SASH1: variants seen among roughly 807,000 people sequenced by gnomAD.
SASH1 encodes the protein SAM and SH3 domain containing 1, also known as SAM and SH3 domain-containing protein 1.
In SASH1, 44 loss-of-function variants were observed where a neutral mutation model predicts 125.2. The ratio of observed to expected loss-of-function variants is 0.35; its 90% confidence interval spans 0.28 to 0.45. The LOEUF is 0.45. Ranked by LOEUF, SASH1 falls within the 20% of genes least tolerant of loss-of-function variation. The pLI is 1.00. For missense variants in SASH1, 1,426 were observed against 1,614.5 expected (o/e 0.88, Z 2.00); for synonymous variants, 639 against 649.1 (o/e 0.98, Z 0.24).
At chr6:148,208,166 G>A in the SASH1 span, among the ~76,000 whole-genome samples, 23 of 152,240 alleles carry the variant, frequency 1.5e-4, no homozygotes, top group South Asian at 8.3e-4. Context: ...TATGGAGCTC[G>A]CGAGATGGGT....
chr6:148,273,296 C>CTT (rs758727802), intron 1 of SASH1, among the ~76,000 whole-genome samples: 26,164 of 134,536 alleles, frequency 0.19, 2,918 homozygotes, highest in South Asian at 0.29. Context: ...TTCTTTCTTT[C>CTT]TTTTTTTTTT....
the SASH1 span, among the ~76,000 whole-genome samples, chr6:148,256,004 A>G: frequency 6.6e-6 from 1 of 152,078 alleles, no homozygotes; most frequent in African/African-American, 2.4e-5. Flanking sequence ...CAGAATGGAC[A>G]TTTTTGCTTC....
At chr6:148,510,016 C>G (rs545582162) in intron 8 of SASH1, among the ~76,000 whole-genome samples, 41 of 152,320 alleles carry the variant, frequency 2.7e-4, no homozygotes, top group African/African-American at 9.1e-4. Context: ...AAATGGTGTG[C>G]TATCTCTTTA....
At chr6:148,286,788 G>A (rs141052994) in intron 1 of SASH1, among the ~76,000 whole-genome samples, 4 of 152,318 alleles carry the variant, frequency 2.6e-5, no homozygotes, top group East Asian at 1.9e-4. Context: ...GTCCTGGGGA[G>A]TAGGGTTACA....
chr6:148,409,392 CT>C (rs1784506031), intron 2 of SASH1, among the ~76,000 whole-genome samples: 1 of 152,226 alleles, frequency 6.6e-6, no homozygotes, highest in Admixed American at 6.5e-5. Context: ...TAAATCAACT[CT>C]CAAATTCAGT....
chr6:148,235,179 G>C, the SASH1 span, among the ~76,000 whole-genome samples: 1 of 152,192 alleles, frequency 6.6e-6, no homozygotes, highest in Admixed American at 6.5e-5. Flanking sequence ...ATTCTGCAAA[G>C]AACGTAAGTG....
chr6:148,489,448 A>C lies in SASH1; in HGVS notation c.729+1733A>C, dbSNP rs941762158. Among the ~76,000 whole-genome samples, 4 of 152,322 alleles carry C rather than the reference A, an allele frequency of 2.6e-5. No individual in the cohort carries two copies. The South Asian group carries it at 6.2e-4, about 24-fold the overall frequency. ...TTTTTTAAGGTTGTTTTGGCTATTT[A>C]AAGGTTCCTTGAGATTCCACATTAA... is the stretch of plus-strand genomic sequence containing the variant. On this transcript the variant is annotated intron_variant, in intron 8 of 19. Coordinates refer to ENST00000367467, the MANE Select transcript of SASH1 (RefSeq NM_015278.5).
intron 1 of SASH1, among the ~76,000 whole-genome samples, chr6:148,289,132 T>G (rs1779559210): frequency 1.3e-5 from 2 of 152,164 alleles, no homozygotes; most frequent in Non-Finnish European, 2.9e-5. Context: ...TTTTTCTTTT[T>G]TACTGTGTAA....
Position 148,387,682 on chromosome 6 carries a change from T to G in SASH1, c.157-2452T>G, listed in dbSNP as rs564075826. Among the ~76,000 whole-genome samples the G allele has an allele frequency of 8.9e-5, 11 of 122,932 alleles. 2 individuals are homozygous for G. Among genetic ancestry groups the G allele is most frequent in the African/African-American group, 2.9e-4 (9 of 31,390 alleles). The allele number at this position is 122,932 out of a possible 152,430, so 80.6% of individuals were successfully genotyped here. On this transcript the variant is annotated intron_variant, in intron 1 of 19. Transcript: ENST00000367467. ...TTTCTTTCTTTCTTTCTTTCTTTCTTTCTTTCTTTCGGCATCCTTAGTAAA... is the reference window on the plus strand; with the variant it reads ...TTTCTTTCTTTCTTTCTTTCTTTCTGTCTTTCTTTCGGCATCCTTAGTAAA...
At chr6:148,476,106 CA>C (rs1197442662) in intron 7 of SASH1, among the ~76,000 whole-genome samples, 5 of 151,890 alleles carry the variant, frequency 3.3e-5, no homozygotes, top group Non-Finnish European at 7.4e-5. Flanking sequence ...ACAAAATCAA[CA>C]CATACATTTC....
chr6:148,355,055 G>A (rs188461589), intron 1 of SASH1, among the ~76,000 whole-genome samples: 1 of 152,126 alleles, frequency 6.6e-6, no homozygotes, highest in Non-Finnish European at 1.5e-5. Flanking sequence ...CACCGCACCC[G>A]GCCAAACTTG....
At chr6:148,280,784 G>A (rs558694907) in intron 1 of SASH1, among the ~76,000 whole-genome samples, 152 of 152,250 alleles carry the variant, frequency 1.0e-3, no homozygotes, top group African/African-American at 3.6e-3. Flanking sequence ...CTCCAGCCTA[G>A]GTGACAGCGT....
intron 2 of SASH1, among the ~76,000 whole-genome samples, chr6:148,412,676 A>C (rs527939925): frequency 2.1e-4 from 32 of 152,312 alleles, no homozygotes; most frequent in Admixed American, 2.0e-3. Context: ...GCAAGAACCC[A>C]GTCATTACCA....
upstream of SASH1, among the ~76,000 whole-genome samples, chr6:148,339,612 G>A (rs1781265906): frequency 6.6e-6 from 1 of 151,868 alleles, no homozygotes. Context: ...GCTGAGTGCA[G>A]TGGCTCACTG....
At chr6:148,218,996 T>A in the SASH1 span, among the ~76,000 whole-genome samples, 1 of 152,220 alleles carries the variant, frequency 6.6e-6, no homozygotes, top group African/African-American at 2.4e-5. Context: ...ATGGAGGTGC[T>A]GAGGTAAGGA....
chr6:148,388,321 T>C lies in SASH1; in HGVS notation c.157-1813T>C, dbSNP rs116524260. 1.8e-3 allele frequency among the ~76,000 whole-genome samples: 278 copies of C among 152,294 alleles called. 2 individuals are homozygous for C. The highest frequency in any genetic ancestry group is 6.0e-3 in the African/African-American group (251 of 41,554). ...CAGAGGGGCAGCAACAGATTCTATC[T>C]TGACCTTTGTTATTTTTCTACTGGA... is the stretch of plus-strand genomic sequence containing the variant. On this transcript the variant is annotated intron_variant, in intron 1 of 19. Transcript: ENST00000367467.
intron 1 of SASH1, among the ~76,000 whole-genome samples, chr6:148,326,371 T>TATATACAC (rs1429437404): frequency 2.7e-5 from 2 of 74,454 alleles, no homozygotes; most frequent in Admixed American, 1.9e-4. Context: ...TATATATATA[T>TATATACAC]ATACATTCTT....
intron 1 of SASH1, among the ~76,000 whole-genome samples, chr6:148,356,030 C>T (rs914587833): frequency 7.3e-5 from 11 of 150,670 alleles, no homozygotes; most frequent in Non-Finnish European, 1.0e-4. Context: ...TCCTCTTCCA[C>T]GCTTCCCCCC....
intron 1 of SASH1, among the ~76,000 whole-genome samples, chr6:148,387,564 TTCTCTTTCTTTCTTTCTTTC>T (rs1783440289): frequency 7.0e-6 from 1 of 142,272 alleles, no homozygotes; most frequent in African/African-American, 2.5e-5. Context: ...TTTCTTTCTT[TTCTCTTTCTTTCTTTCTTTC>T]TTTCTTTCTT....
Sources: gnomAD v4.1 joint callset for allele counts (sites outside exome capture counted in the v4.1 genomes callset) on GRCh38, gnomAD v4.1.1 for gene constraint, MANE v1.5 for transcripts, NCBI Gene and HGNC (gene_info 2026-07-23, HGNC 2026-07-21) for gene names.